Variants in SLC25A27 observed in about 807,000 individuals in gnomAD.
The protein encoded by SLC25A27 is mitochondrial uncoupling protein 4.
Under a neutral mutation model 49.1 loss-of-function variants are expected in SLC25A27, and 35 were observed. The observed-to-expected ratio is 0.71, with a 90% confidence interval of 0.54 to 0.95. SLC25A27 has a LOEUF of 0.95. SLC25A27 is among the 40% of genes least tolerant of loss of function. SLC25A27 has a pLI of 0.00. For synonymous variants in SLC25A27, 144 were observed against 136.9 expected (o/e 1.05, Z -0.36); for missense variants, 339 against 397.1 (o/e 0.85, Z 1.24).
At chr6:46,659,323 C>G (rs912056424) in intron 3 of SLC25A27, among the ~76,000 whole-genome samples, 1 of 152,120 alleles carries the variant, frequency 6.6e-6, no homozygotes, top group African/African-American at 2.4e-5. Context: ...TAAGAACTCT[C>G]GGCTTTAGAG....
At chr6:46,669,227 A>G (rs1763431568) in intron 6 of SLC25A27, among the ~76,000 whole-genome samples, 3 of 152,226 alleles carry the variant, frequency 2.0e-5, no homozygotes, top group Non-Finnish European at 4.4e-5. Context: ...GCTAAAAGGA[A>G]GCAACTAGTT....
intron 3 of SLC25A27, among the ~76,000 whole-genome samples, 199 bp from the exon 4 acceptor site, chr6:46,662,177 T>G (rs1763183102): frequency 6.6e-6 from 1 of 152,112 alleles, no homozygotes; most frequent in Non-Finnish European, 1.5e-5. Flanking sequence ...GGCCTGAAAT[T>G]TTCACTCATT....
chr6:46,672,947 A>G (rs538127545), intron 8 of SLC25A27, among the ~76,000 whole-genome samples: 1 of 152,366 alleles, frequency 6.6e-6, no homozygotes, highest in Non-Finnish European at 1.5e-5. Flanking sequence ...AATACCTGAT[A>G]AAAGTATACC....
At chr6:46,657,113 C>T (rs1369832265) in intron 2 of SLC25A27, among the ~76,000 whole-genome samples, 1 of 152,160 alleles carries the variant, frequency 6.6e-6, no homozygotes, top group Non-Finnish European at 1.5e-5. Context: ...TGGCAGTGAG[C>T]TTTGATCCTG....
chr6:46,655,531 G>GTTTTTTTTTTTTTTTTTTTTTTT (rs1283936753), intron 1 of SLC25A27, among the ~76,000 whole-genome samples: 1 of 98,548 alleles, frequency 1.0e-5, no homozygotes, highest in Non-Finnish European at 2.2e-5. Context: ...TATTGTTAAT[G>GTTTTTTTTTTTTTTTTTTTTTTT]TTTGTTTTTT....
At chr6:46,656,600 G>A (rs1339819559) in intron 2 of SLC25A27, among the ~76,000 whole-genome samples, 3 of 151,988 alleles carry the variant, frequency 2.0e-5, no homozygotes, top group Non-Finnish European at 4.4e-5. Context: ...TGTATTTTTA[G>A]TAGAGACGGG....
At position 46,653,160 on chromosome 6, in the gene SLC25A27, A is replaced by C; in HGVS notation, c.-33A>C. The C allele has an allele frequency of 1.3e-6, 2 of 1,585,618 alleles. No homozygotes were observed. The highest frequency in any genetic ancestry group is 1.7e-6 in the Non-Finnish European group (2 of 1,157,440). On this transcript the variant is annotated 5_prime_UTR_variant, in exon 1 of 9. Transcript: ENST00000371347. ...CGGCGCGGTGCAGCGCAGCGGCGAG[A>C]AGGAGTGCGTTATCGTCTTGCGCTA...
chr6:46,660,631 C>T (rs1763133467), intron 3 of SLC25A27, among the ~76,000 whole-genome samples: 1 of 151,506 alleles, frequency 6.6e-6, no homozygotes, highest in African/African-American at 2.4e-5. Context: ...TATGGCATAA[C>T]ACAGCTATTG....
At chr6:46,664,493 AG>A (rs1173904293) in intron 4 of SLC25A27, among the ~76,000 whole-genome samples, 1 of 152,224 alleles carries the variant, frequency 6.6e-6, no homozygotes, top group Non-Finnish European at 1.5e-5. Context: ...ATATCAAGAA[AG>A]GTATTTTTAT....
chr6:46,677,013 G>A lies in SLC25A27; in HGVS notation c.*559G>A. 7.4e-6 allele frequency: 2 copies of A among 269,284 alleles called. No individual in the cohort carries two copies. The highest frequency in any genetic ancestry group is 1.4e-5 in the Non-Finnish European group (2 of 142,900). 16.7% of individuals were successfully genotyped at this position (269,284 alleles called of 1,614,324 possible). On this transcript the variant is annotated 3_prime_UTR_variant, in exon 9 of 9. Transcript: ENST00000371347. ...AAACATTTTGAGTTTCCCTAGTGTT[G>A]AAGGAAGGTGTACTTTTTCTTGTCA...
chr6:46,676,747 T>G lies in SLC25A27; in HGVS notation c.*293T>G. Reference sequence around the variant, plus strand: ...CACTTTCACCTTGGGCAAGAAGGTTTGGCCTTTGAGTTGCTATTCTATGCT... The same window carrying G: ...CACTTTCACCTTGGGCAAGAAGGTTGGGCCTTTGAGTTGCTATTCTATGCT... On this transcript the variant is annotated 3_prime_UTR_variant, in exon 9 of 9. Coordinates refer to ENST00000371347, the MANE Select transcript of SLC25A27 (RefSeq NM_004277.5). The G allele has an allele frequency of 6.7e-7, 1 of 1,491,468 alleles. No homozygotes were observed. 92.4% of individuals were successfully genotyped at this position (1,491,468 alleles called of 1,614,324 possible). A position where few individuals can be genotyped will look rare whatever the true frequency, so the allele number is the denominator to read the frequency against.
chr6:46,656,354 T>TC (rs1467937841), intron 2 of SLC25A27, among the ~76,000 whole-genome samples: 1 of 150,896 alleles, frequency 6.6e-6, no homozygotes, highest in East Asian at 1.9e-4. Flanking sequence ...CTAATTTTTT[T>TC]TTTTTTTTTT....
chr6:46,674,731 C>G (rs990752784), intron 8 of SLC25A27, among the ~76,000 whole-genome samples: 3 of 152,120 alleles, frequency 2.0e-5, no homozygotes, highest in Non-Finnish European at 4.4e-5. Context: ...ATGTTCAAGT[C>G]CTCTGGCCAA....
At position 46,668,813 on chromosome 6, in the gene SLC25A27, G is replaced by A; in HGVS notation, c.704+20G>A. 7.0e-7 allele frequency: 1 copy of A among 1,424,062 alleles called. No homozygotes were observed. 88.2% of individuals were successfully genotyped at this position (1,424,062 alleles called of 1,614,324 possible). A position where few individuals can be genotyped will look rare whatever the true frequency, so the allele number is the denominator to read the frequency against. Reference sequence around the variant, plus strand: ...ATCAAGGTAAGGATTGTTTTAGTTGGACTCTGTTTTTTTTTTTTGTATCAC... The same window carrying A: ...ATCAAGGTAAGGATTGTTTTAGTTGAACTCTGTTTTTTTTTTTTGTATCAC... On this transcript the variant is annotated intron_variant, in intron 6 of 8. Transcript: ENST00000371347.
At chr6:46,656,113 CAAGT>C (rs1762969373) in intron 2 of SLC25A27, 79 bp downstream of exon 2, 1 of 1,257,584 alleles carries the variant, frequency 8.0e-7, no homozygotes, top group African/African-American at 1.5e-5. Context: ...TGTCCAAAAA[CAAGT>C]TAGTTTTTTT....
intron 5 of SLC25A27, among the ~76,000 whole-genome samples, chr6:46,665,123 A>G (rs1763280581): frequency 6.6e-6 from 1 of 152,212 alleles, no homozygotes; most frequent in Non-Finnish European, 1.5e-5. Context: ...AATTGTGACA[A>G]TAAGGACACA....
At chr6:46,658,834 C>T (rs1450670354) in intron 2 of SLC25A27, 128 bp from the exon 3 acceptor site, 2 of 742,228 alleles carry the variant, frequency 2.7e-6, no homozygotes, top group Non-Finnish European at 4.9e-6. Context: ...AAGCACCGGC[C>T]CCATGAGACA....
intron 7 of SLC25A27, chr6:46,670,547 C>T (rs979625989): frequency 1.1e-4 from 29 of 265,668 alleles, no homozygotes; most frequent in South Asian, 9.8e-4. Context: ...GAGTAGGTAA[C>T]GTGGAGAATC....
intron 1 of SLC25A27, chr6:46,653,907 T>C: frequency 1.0e-6 from 1 of 954,160 alleles, no homozygotes; most frequent in Non-Finnish European, 1.2e-6. Context: ...CCAGGGACTG[T>C]GGATATATAT....
Sources: allele counts gnomAD v4.1 joint callset (sites outside exome capture counted in the v4.1 genomes callset), GRCh38; gene constraint gnomAD v4.1.1; transcripts MANE v1.5; gene names NCBI Gene and HGNC (gene_info 2026-07-23, HGNC 2026-07-21).